The following MYO3A variants were observed in gnomAD, a reference collection of about 807,000 sequenced individuals.
The protein encoded by MYO3A is myosin-IIIa.
Under a neutral mutation model 192.7 loss-of-function variants are expected in MYO3A, and 180 were observed. That is an observed-to-expected ratio of 0.93 (90% CI 0.83 to 1.06). The LOEUF (loss-of-function observed/expected upper bound fraction) is 1.06. Among genes scored for constraint, MYO3A ranks in the 50% least tolerant of loss-of-function variants. The probability of loss-of-function intolerance (pLI) is 0.00; values close to 1 mark genes in which losing one functional copy is unlikely to be tolerated. For missense variants in MYO3A, 1,896 were observed against 1,905.0 expected (o/e 1.00, Z 0.09); for synonymous variants, 628 against 645.3 (o/e 0.97, Z 0.41).
Position 26,148,760 on chromosome 10 carries a change from G to A in MYO3A, c.2635+1201G>A, listed in dbSNP as rs568946577. 9.9e-5 allele frequency among the ~76,000 whole-genome samples: 15 copies of A among 152,160 alleles called. 1 individual carries two copies. Among genetic ancestry groups the A allele is most frequent in the Admixed American group, 9.8e-4 (15 of 15,270 alleles). The stretch of plus-strand genomic sequence containing the variant: ...ATCACATTTTTATGTGATTATAAAT[G>A]GTAATTTTTAACTGAAATTCTGGTT... On this transcript the variant is annotated intron_variant, in intron 23 of 34. Coordinates refer to ENST00000642920, the MANE Select transcript of MYO3A (RefSeq NM_017433.5).
chr10:26,143,767 T>C (rs1840301891), intron 21 of MYO3A, among the ~76,000 whole-genome samples, 166 bp downstream of exon 21: 1 of 152,234 alleles, frequency 6.6e-6, no homozygotes, highest in Non-Finnish European at 1.5e-5. Flanking sequence ...GACCAGTGCA[T>C]GTTTATGATA....
At chr10:26,133,433 A>G (rs1364214731) in intron 20 of MYO3A, among the ~76,000 whole-genome samples, 3 of 152,194 alleles carry the variant, frequency 2.0e-5, no homozygotes, top group Non-Finnish European at 4.4e-5. Context: ...CTGGCTTCGC[A>G]GACGGCCTCT....
intron 26 of MYO3A, among the ~76,000 whole-genome samples, chr10:26,163,205 G>A (rs936595055): frequency 1.3e-5 from 2 of 152,226 alleles, no homozygotes; most frequent in African/African-American, 4.8e-5. Context: ...TTTTTGGCAG[G>A]TGTAACCTTC....
rs1464821296 is a variant in MYO3A, at chr10:26,145,518, A to C, written c.2489A>C (p.His830Pro). 6.2e-7 allele frequency: 1 copy of C among 1,602,082 alleles called. No homozygotes were observed. The change falls in exon 22 of 35, where the codon CAC becomes CCC. Residue 830 changes from histidine (H) to proline (P), a missense_variant. His to Pro is a moderately conservative substitution (Grantham distance 77, BLOSUM62 -2). Transcript: ENST00000642920. ...PKRMELSFGI[H>P]HYAGKVLYNA... ...AGAATGGAACTTAGTTTTGGAATTC[A>C]CCATTATGCAGGAAAGGTAAGAACT...
chr10:26,023,421 T>G (rs557108380), intron 8 of MYO3A: 1 of 152,682 alleles, frequency 6.5e-6, no homozygotes, highest in East Asian at 1.9e-4. Context: ...TCAACGAATG[T>G]GCCAAAAAAT....
chr10:26,174,248 T>A lies in MYO3A; in HGVS notation c.3984T>A (p.His1328Gln). ...AGGAAGGCAGAGGCCGTCTGAGGCA[T>A]GAGACAGTCAAAGAGAGGCAAGTTG... ...SQEEGRGRLRHETVKERQVEP... is the reference protein window; with the variant it reads ...SQEEGRGRLRQETVKERQVEP... Residue 1328 changes from histidine to glutamine, a missense_variant, in exon 30 of 35, where the codon CAT (histidine) becomes CAA (glutamine). By Grantham distance (24) the His-to-Gln change is conservative. Transcript: ENST00000642920. 1.9e-6 allele frequency: 3 copies of A among 1,614,084 alleles called. No homozygotes were observed. The highest frequency in any genetic ancestry group is 2.5e-6 in the Non-Finnish European group (3 of 1,180,012).
intron 2 of MYO3A, among the ~76,000 whole-genome samples, chr10:25,941,044 C>A (rs539382418): frequency 6.6e-6 from 1 of 152,120 alleles, no homozygotes; most frequent in African/African-American, 2.4e-5. Flanking sequence ...TTGTATTAGG[C>A]TGAATCAGTC....
rs1839869250 is a variant in MYO3A, at chr10:26,136,755, C to A, written c.2263-6693C>A. On this transcript the variant is annotated intron_variant, in intron 20 of 34. Coordinates refer to ENST00000642920, the MANE Select transcript of MYO3A (RefSeq NM_017433.5). Reference sequence around the variant, plus strand: ...CAGATTGGCTGGGCATGGCAGCTCACACCTGTAATGCCAGCACTTTGGGAG... The same window carrying A: ...CAGATTGGCTGGGCATGGCAGCTCAAACCTGTAATGCCAGCACTTTGGGAG... Among the ~76,000 whole-genome samples, 3 of 152,188 alleles carry A rather than the reference C, an allele frequency of 2.0e-5. No homozygotes were observed. In the South Asian group the frequency reaches 6.2e-4, roughly 32 times the overall value.
In MYO3A at chr10:25,955,741, T is replaced by C. The variant is rs1030490332; in HGVS notation, c.303+733T>C. Among the ~76,000 whole-genome samples, 8 of 152,214 alleles carry C rather than the reference T, an allele frequency of 5.3e-5. No homozygotes were observed. The East Asian group carries it at 1.5e-3, about 29-fold the overall frequency. ...TCTATTAGAATTTTTTAAATTGCTTTTATCAAATTCAGAGACAGTAGATAC... is the reference window on the plus strand; with the variant it reads ...TCTATTAGAATTTTTTAAATTGCTTCTATCAAATTCAGAGACAGTAGATAC... On this transcript the variant is annotated intron_variant, in intron 4 of 34. Coordinates refer to ENST00000642920, the MANE Select transcript of MYO3A (RefSeq NM_017433.5).
chr10:26,034,060 G>T (rs958944049), intron 10 of MYO3A, among the ~76,000 whole-genome samples: 4 of 152,098 alleles, frequency 2.6e-5, no homozygotes, highest in Admixed American at 6.5e-5. Flanking sequence ...CCCATCGCCA[G>T]CTCTTAAGCC....
chr10:26,025,144 A>G (rs1377921395), intron 9 of MYO3A, among the ~76,000 whole-genome samples: 1 of 152,202 alleles, frequency 6.6e-6, no homozygotes, highest in Non-Finnish European at 1.5e-5. Context: ...AATTAATGGA[A>G]AACTAAGAGC....
In MYO3A at chr10:25,997,273, A is replaced by AG. The variant is rs769080744; in HGVS notation, c.508+15_508+16insG. Reference sequence around the variant, plus strand: ...AGTAGATTTTGGTAAGTTTTGTTTAAAATGCATGAGTTTTAACTCCATAAT... The same window carrying AG: ...AGTAGATTTTGGTAAGTTTTGTTTAAGAATGCATGAGTTTTAACTCCATAAT... On this transcript the variant is annotated intron_variant, in intron 6 of 34. Coordinates refer to ENST00000642920, the MANE Select transcript of MYO3A (RefSeq NM_017433.5). 7.7e-6 allele frequency: 12 copies of AG among 1,560,158 alleles called. No individual in the cohort carries two copies. The highest frequency in any genetic ancestry group is 9.7e-6 in the Non-Finnish European group (11 of 1,131,246).
intron 20 of MYO3A, 152 bp from the exon 21 acceptor site, chr10:26,143,296 A>G (rs1840272367): frequency 1.3e-6 from 1 of 742,218 alleles, no homozygotes; most frequent in African/African-American, 1.8e-5. Flanking sequence ...GCGCCAATAT[A>G]CTCCAGCCTG....
intron 6 of MYO3A, among the ~76,000 whole-genome samples, chr10:26,011,403 T>C (rs1037507685): frequency 6.6e-6 from 1 of 152,046 alleles, no homozygotes; most frequent in Admixed American, 6.6e-5. Flanking sequence ...CACTGCATTC[T>C]AGCCTGGGCG....
At chr10:26,193,784 T>C (rs1843268760) in intron 32 of MYO3A, among the ~76,000 whole-genome samples, 1 of 152,220 alleles carries the variant, frequency 6.6e-6, no homozygotes. Context: ...GAAATATCCC[T>C]GAATGTATTA....
chr10:25,936,384 A>C (rs764913580), intron 2 of MYO3A, among the ~76,000 whole-genome samples: 1 of 152,158 alleles, frequency 6.6e-6, no homozygotes, highest in Non-Finnish European at 1.5e-5. Context: ...TATATAAATC[A>C]TATAAAGTTT....
At chr10:26,052,730 A>G (rs1010955995) in intron 10 of MYO3A, among the ~76,000 whole-genome samples, 2 of 152,240 alleles carry the variant, frequency 1.3e-5, no homozygotes, top group African/African-American at 4.8e-5. Context: ...TGATATTTAC[A>G]AGAGTATTTT....
chr10:26,188,911 C>T (rs1016997919), intron 31 of MYO3A, among the ~76,000 whole-genome samples: 1 of 152,120 alleles, frequency 6.6e-6, no homozygotes, highest in African/African-American at 2.4e-5. Context: ...TAGTTTGAAG[C>T]CAGGTAGCAT....
chr10:26,159,260 A>G (rs947090233), intron 26 of MYO3A, among the ~76,000 whole-genome samples: 74 of 148,634 alleles, frequency 5.0e-4, no homozygotes, highest in Non-Finnish European at 4.8e-4. Flanking sequence ...AAAGTGCTGG[A>G]ATTCCAGGCA....
Sources: allele counts gnomAD v4.1 joint callset (sites outside exome capture counted in the v4.1 genomes callset), GRCh38; gene constraint gnomAD v4.1.1; transcripts MANE v1.5; gene names NCBI Gene and HGNC (gene_info 2026-07-23, HGNC 2026-07-21).